Variants in ASTN2 observed in about 807,000 individuals in gnomAD.
ASTN2 encodes astrotactin-2.
A neutral mutation model predicts 139.8 loss-of-function variants in ASTN2; 54 were observed. The ratio of observed to expected loss-of-function variants is 0.39; its 90% CI spans 0.31 to 0.48. The LOEUF is 0.48. ASTN2 is among the 20% of genes least tolerant of loss of function. ASTN2 has a pLI of 0.95. For synonymous variants in ASTN2, 756 were observed against 719.5 expected (o/e 1.05, Z -0.81); for missense variants, 1,565 against 1,725.1 (o/e 0.91, Z 1.64).
intron 11 of ASTN2, among the ~76,000 whole-genome samples, chr9:116,837,832 G>A (rs1461902109): frequency 6.6e-6 from 1 of 152,204 alleles, no homozygotes; most frequent in Middle Eastern, 3.2e-3. Context: ...GGTGACATCA[G>A]TGTGGCAATT....
intron 6 of ASTN2, among the ~76,000 whole-genome samples, chr9:117,029,696 A>G (rs1034956972): frequency 1.3e-5 from 2 of 152,068 alleles, no homozygotes; most frequent in African/African-American, 4.8e-5. Context: ...ATGAAGGAGA[A>G]AAGGAAGGAA....
chr9:116,611,780 G>A (rs1855551852), intron 19 of ASTN2: 1 of 151,966 alleles, frequency 6.6e-6, no homozygotes, highest in African/African-American at 2.4e-5. Context: ...TGCAAGAAAA[G>A]GTCTAAGCCC....
At chr9:116,557,330 T>C (rs1172438238) in intron 19 of ASTN2, among the ~76,000 whole-genome samples, 1 of 152,036 alleles carries the variant, frequency 6.6e-6, no homozygotes, top group Non-Finnish European at 1.5e-5. Context: ...AGATATGTTA[T>C]TTGGGAGAAC....
intron 11 of ASTN2, 70 bp downstream of exon 11, chr9:116,863,513 G>A (rs1452631873): frequency 1.9e-6 from 3 of 1,568,696 alleles, no homozygotes; most frequent in South Asian, 1.2e-5. Flanking sequence ...TTCCCTCGCA[G>A]GGCAGGGCTT....
intron 11 of ASTN2, among the ~76,000 whole-genome samples, chr9:116,862,915 G>A (rs1832925631): frequency 6.6e-6 from 1 of 151,724 alleles, no homozygotes; most frequent in African/African-American, 2.4e-5. Context: ...GTAGAACCCT[G>A]TATCTTAGGT....
At chr9:116,903,830 T>G (rs1834085093) in intron 10 of ASTN2, among the ~76,000 whole-genome samples, 1 of 152,216 alleles carries the variant, frequency 6.6e-6, no homozygotes, top group African/African-American at 2.4e-5. Flanking sequence ...TGTTTACCTC[T>G]ACATCAGGCT....
chr9:116,602,166 G>A (rs996718278), intron 19 of ASTN2, among the ~76,000 whole-genome samples: 5 of 152,164 alleles, frequency 3.3e-5, no homozygotes, highest in African/African-American at 1.2e-4. Context: ...AAATGTTCAT[G>A]GAGAAAAATG....
chr9:116,620,269 G>A (rs746289240), intron 18 of ASTN2, 41 bp downstream of exon 18: 15 of 1,613,452 alleles, frequency 9.3e-6, no homozygotes, highest in East Asian at 4.5e-5. Flanking sequence ...GTGAGTCCAC[G>A]AAAAGGGATG....
At chr9:117,080,025 A>C (rs1413898704) in intron 5 of ASTN2, among the ~76,000 whole-genome samples, 1 of 152,222 alleles carries the variant, frequency 6.6e-6, no homozygotes, top group Non-Finnish European at 1.5e-5. Flanking sequence ...CAAGGTTCAC[A>C]CCGCGAGGAC....
At chr9:116,977,961 C>G (rs10983440) in intron 7 of ASTN2, among the ~76,000 whole-genome samples, 12,261 of 152,082 alleles carry the variant, frequency 0.081, 682 homozygotes, top group Non-Finnish European at 0.1. Flanking sequence ...AAGTGATCTG[C>G]CCACCTCAGC....
intron 16 of ASTN2, among the ~76,000 whole-genome samples, chr9:116,710,592 A>G (rs1223648682): frequency 2.0e-5 from 3 of 151,874 alleles, no homozygotes; most frequent in Non-Finnish European, 2.9e-5. Context: ...TTAGCAAGGC[A>G]TGGTGGCGCA....
intron 1 of ASTN2, among the ~76,000 whole-genome samples, chr9:117,404,800 G>C (rs1461087202): frequency 6.6e-6 from 1 of 152,162 alleles, no homozygotes; most frequent in South Asian, 2.1e-4. Context: ...TAAACACTTG[G>C]CAGAGCATGA....
chr9:117,045,316 G>A (rs1217517727), intron 5 of ASTN2, among the ~76,000 whole-genome samples: 1 of 110,402 alleles, frequency 9.1e-6, no homozygotes, highest in Non-Finnish European at 1.7e-5. Flanking sequence ...CATATTGCCT[G>A]AGTATTTTTT....
At chr9:116,546,055 T>C (rs971561143) in intron 19 of ASTN2, 1 of 152,172 alleles carries the variant, frequency 6.6e-6, no homozygotes, top group African/African-American at 2.4e-5. Flanking sequence ...ACTGCAGTTA[T>C]AGGAGAAGAC....
chr9:117,352,515 G>A (rs1390438198), intron 1 of ASTN2, among the ~76,000 whole-genome samples: 1 of 152,180 alleles, frequency 6.6e-6, no homozygotes, highest in East Asian at 1.9e-4. Flanking sequence ...CAGTTGTTGA[G>A]CTTCCAATGC....
chr9:116,474,411 TG>T (rs1848913230), intron 20 of ASTN2, among the ~76,000 whole-genome samples: 1 of 151,612 alleles, frequency 6.6e-6, no homozygotes, highest in African/African-American at 2.4e-5. Context: ...ATAGGGTTGT[TG>T]GTGGATGGGG....
chr9:116,964,570 T>C (rs1479937305), intron 10 of ASTN2, among the ~76,000 whole-genome samples: 9 of 152,160 alleles, frequency 5.9e-5, no homozygotes, highest in Non-Finnish European at 1.0e-4. Context: ...GGACTGTCCA[T>C]GCAATGGCAG....
intron 10 of ASTN2, among the ~76,000 whole-genome samples, chr9:116,955,939 T>C (rs1417878732): frequency 6.6e-6 from 1 of 152,186 alleles, no homozygotes; most frequent in Non-Finnish European, 1.5e-5. Context: ...CAACATGCTA[T>C]CATGGGGAAG....
chr9:116,781,703 T>TC (rs1367797511), intron 13 of ASTN2, among the ~76,000 whole-genome samples: 10 of 152,154 alleles, frequency 6.6e-5, no homozygotes, highest in African/African-American at 2.4e-4. Flanking sequence ...TTCTGATTCC[T>TC]CCATGGGTTT....
Sources: allele counts gnomAD v4.1 joint callset (sites outside exome capture counted in the v4.1 genomes callset), GRCh38; gene constraint gnomAD v4.1.1; transcripts MANE v1.5; gene names NCBI Gene and HGNC (gene_info 2026-07-23, HGNC 2026-07-21).